BOC: variants seen among roughly 807,000 people sequenced by gnomAD.
BOC encodes the protein brother of CDO.
Under a neutral mutation model 112.0 loss-of-function variants are expected in BOC, and 76 were observed. That is an observed-to-expected ratio of 0.68 (90% CI 0.56 to 0.82). The LOEUF (loss-of-function observed/expected upper bound fraction) is 0.82. BOC is among the 40% of genes least tolerant of loss of function. BOC has a pLI of 0.00. For synonymous variants in BOC, 580 were observed against 599.8 expected (o/e 0.97, Z 0.48); for missense variants, 1,309 against 1,511.7 (o/e 0.87, Z 2.22).
chr3:113,212,948 A>G (rs1285459976), intron 1 of BOC, among the ~76,000 whole-genome samples: 3 of 152,086 alleles, frequency 2.0e-5, no homozygotes, highest in Admixed American at 6.6e-5. Flanking sequence ...TTTCCAGGTG[A>G]TGGGAGAATG....
chr3:113,268,473 G>C, intron 5 of BOC, 28 bp downstream of exon 5: 1 of 1,609,480 alleles, frequency 6.2e-7, no homozygotes, highest in Non-Finnish European at 8.5e-7. Context: ...CAGAGGCCAA[G>C]GCTGAGGCCA....
chr3:113,258,767 A>C (rs1330237479), intron 4 of BOC, among the ~76,000 whole-genome samples: 1 of 152,216 alleles, frequency 6.6e-6, no homozygotes, highest in Non-Finnish European at 1.5e-5. Context: ...AGGGGAATGG[A>C]GTTGGAAAAG....
At chr3:113,228,158 A>G (rs1941979151) in intron 2 of BOC, among the ~76,000 whole-genome samples, 1 of 152,210 alleles carries the variant, frequency 6.6e-6, no homozygotes. Flanking sequence ...GATGTTCAAT[A>G]AGCATTATTG....
chr3:113,257,789 C>G (rs1946392289), intron 4 of BOC, among the ~76,000 whole-genome samples: 1 of 152,106 alleles, frequency 6.6e-6, no homozygotes, highest in Non-Finnish European at 1.5e-5. Context: ...TTTCTAAAGG[C>G]TTCTATTAAA....
At chr3:113,240,984 A>T (rs1194506400) in intron 2 of BOC, among the ~76,000 whole-genome samples, 1 of 152,206 alleles carries the variant, frequency 6.6e-6, no homozygotes, top group African/African-American at 2.4e-5. Context: ...TCTCAGCCAG[A>T]GCCAGATGAA....
At chr3:113,222,281 C>T (rs1427842505) in intron 2 of BOC, among the ~76,000 whole-genome samples, 3 of 152,108 alleles carry the variant, frequency 2.0e-5, no homozygotes, top group African/African-American at 7.2e-5. Context: ...GTGGTGCTCA[C>T]ATTTTTTTTT....
chr3:113,248,004 G>A (rs1945141708), intron 2 of BOC, among the ~76,000 whole-genome samples: 1 of 152,194 alleles, frequency 6.6e-6, no homozygotes, highest in South Asian at 2.1e-4. Flanking sequence ...CTGAAGTCTT[G>A]TGAGTCCTCT....
At chr3:113,215,203 G>A (rs1178423354) in intron 1 of BOC, among the ~76,000 whole-genome samples, 1 of 152,192 alleles carries the variant, frequency 6.6e-6, no homozygotes, top group Non-Finnish European at 1.5e-5. Flanking sequence ...GTTAGGGGGT[G>A]GGATGGGAGA....
Position 113,258,706 on chromosome 3 carries a change from G to A in BOC, c.376+7873G>A, listed in dbSNP as rs539319611. On this transcript the variant is annotated intron_variant, in intron 4 of 19. Coordinates refer to ENST00000682979, the MANE Select transcript of BOC (RefSeq NM_001378074.1). ...AGGAGGGGAAGGAGATTTGCAGCTG[G>A]GGCAGAGTGTGAGCCTGCTTTGGCT... Among the ~76,000 whole-genome samples, 294 of 152,320 alleles carry A rather than the reference G, an allele frequency of 1.9e-3. 3 individuals carry two copies. Among genetic ancestry groups the A allele is most frequent in the Non-Finnish European group, 3.2e-3 (219 of 68,028 alleles).
rs1057349634 is a variant in BOC at position 113,285,456 on chromosome 3, C to G, written c.3051C>G (p.His1017Gln). ...DSTHQLLQPH[H>Q]DCCQRQEQPA... The stretch of plus-strand genomic sequence containing the variant: ...CTCACCAGCTGCTGCAGCCCCATCA[C>G]GACTGCTGCCAACGCCAGGAGCAGC... Residue 1017 changes from histidine to glutamine, a missense_variant, in exon 19 of 20, where the codon CAC (histidine) becomes CAG (glutamine). Coordinates refer to ENST00000682979, the MANE Select transcript of BOC (RefSeq NM_001378074.1). 5.0e-6 allele frequency: 8 copies of G among 1,614,056 alleles called. No homozygotes were observed. The highest frequency in any genetic ancestry group is 3.4e-6 in the Non-Finnish European group (4 of 1,179,984).
intron 2 of BOC, among the ~76,000 whole-genome samples, chr3:113,240,261 A>G (rs1944114372): frequency 6.6e-6 from 1 of 152,198 alleles, no homozygotes; most frequent in African/African-American, 2.4e-5. Flanking sequence ...AAAAAACAAC[A>G]ACAACGAGCA....
intron 18 of BOC, 38 bp from the exon 19 acceptor site, chr3:113,285,334 C>T: frequency 1.2e-6 from 2 of 1,603,320 alleles, no homozygotes; most frequent in Non-Finnish European, 1.7e-6. Context: ...GCCCACCCTG[C>T]CCAGCCCCAC....
chr3:113,240,899 A>G (rs1411623010), intron 2 of BOC, among the ~76,000 whole-genome samples: 1 of 152,130 alleles, frequency 6.6e-6, no homozygotes, highest in Non-Finnish European at 1.5e-5. Flanking sequence ...ACCCTACTGG[A>G]CAGCCCACTC....
At chr3:113,219,980 C>T (rs60572625) in intron 2 of BOC, among the ~76,000 whole-genome samples, 9,147 of 152,032 alleles carry the variant, frequency 0.06, 494 homozygotes, top group African/African-American at 0.15. Flanking sequence ...CCTTTTGCTC[C>T]TAGGATCTCT....
chr3:113,235,577 C>T (rs1260546726), intron 2 of BOC, among the ~76,000 whole-genome samples: 1 of 152,070 alleles, frequency 6.6e-6, no homozygotes, highest in East Asian at 1.9e-4. Flanking sequence ...TCATTATCAT[C>T]AAGAGTGCAG....
At chr3:113,282,601 C>T (rs533671618) in intron 15 of BOC, among the ~76,000 whole-genome samples, 4 of 152,056 alleles carry the variant, frequency 2.6e-5, no homozygotes, top group Non-Finnish European at 4.4e-5. Flanking sequence ...GCTCCTGCCC[C>T]GTGCAGGGGG....
At chr3:113,227,837 T>C (rs1320206581) in intron 2 of BOC, among the ~76,000 whole-genome samples, 1 of 152,182 alleles carries the variant, frequency 6.6e-6, no homozygotes, top group Admixed American at 6.5e-5. Flanking sequence ...ATCACCCAGA[T>C]TCAGCAGTTA....
intron 2 of BOC, among the ~76,000 whole-genome samples, chr3:113,245,308 G>A (rs1237900180): frequency 6.6e-6 from 1 of 152,044 alleles, no homozygotes. Flanking sequence ...GGAATGCAGT[G>A]CAGTGCCTGT....
chr3:113,285,087 G>A (rs79210816), intron 18 of BOC, among the ~76,000 whole-genome samples: 3,210 of 152,360 alleles, frequency 0.021, 123 homozygotes, highest in African/African-American at 0.072. Flanking sequence ...GGAATCCTCC[G>A]TCACTAGACA....
Sources: allele counts gnomAD v4.1 joint callset (sites outside exome capture counted in the v4.1 genomes callset), GRCh38; gene constraint gnomAD v4.1.1; transcripts MANE v1.5; gene names NCBI Gene and HGNC (gene_info 2026-07-23, HGNC 2026-07-21).